Variants in AJAP1 observed in about 807,000 individuals in gnomAD.
The protein encoded by AJAP1 is adherens junctions associated protein 1.
AJAP1 carries 5 observed loss-of-function variants against 35.0 expected under a neutral mutation model. That is an observed-to-expected ratio of 0.14 (90% CI 0.07 to 0.30). The LOEUF (loss-of-function observed/expected upper bound fraction) is 0.30. Among genes scored for constraint, AJAP1 ranks in the 10% least tolerant of loss-of-function variants. The pLI is 1.00. For missense variants in AJAP1, 586 were observed against 571.0 expected, an observed-to-expected ratio of 1.03 and a Z score of -0.27; for synonymous variants, 284 against 249.3, an observed-to-expected ratio of 1.14 and a Z score of -1.31.
At chr1:4,744,056 C>T (rs1446772178) in intron 2 of AJAP1, among the ~76,000 whole-genome samples, 4 of 152,060 alleles carry the variant, frequency 2.6e-5, no homozygotes, top group Admixed American at 2.6e-4. Flanking sequence ...GGTCATGGGA[C>T]GAGAGTGGGA....
intron 1 of AJAP1, among the ~76,000 whole-genome samples, chr1:4,678,878 C>T (rs971455866): frequency 4.6e-5 from 7 of 152,356 alleles, no homozygotes; most frequent in Middle Eastern, 6.8e-3. Flanking sequence ...AGATGCATCT[C>T]ATTTAAAACA....
At chr1:4,713,162 G>T (rs1002978738) in intron 2 of AJAP1, among the ~76,000 whole-genome samples, 1 of 152,186 alleles carries the variant, frequency 6.6e-6, no homozygotes. Flanking sequence ...ACCCATGGAC[G>T]GGGGCATGGA....
chr1:4,772,083 ATT>A (rs111647192), intron 3 of AJAP1, among the ~76,000 whole-genome samples, 195 bp from the exon 4 acceptor site: 20 of 149,264 alleles, frequency 1.3e-4, no homozygotes, highest in Non-Finnish European at 1.8e-4. Flanking sequence ...TTCAAATTTC[ATT>A]TTTTTTTTTT....
rs1638855308 is a variant in AJAP1 at position 4,655,404 on chromosome 1, C to T, written c.-22C>T. ...TGGCCTGGGCGAGCCAGGTCTGAGG[C>T]CCCGCTCCCCGAAACGTGACCATGT... On this transcript the variant is annotated 5_prime_UTR_variant, in exon 1 of 6. Coordinates refer to ENST00000378191, the MANE Select transcript of AJAP1 (RefSeq NM_018836.4). The surrounding 1 kb of genome is among the most constrained non-coding windows in gnomAD (Gnocchi z 6.9). 5.1e-6 allele frequency: 8 copies of T among 1,556,936 alleles called. No homozygotes were observed. The highest frequency in any genetic ancestry group is 4.3e-5 in the African/African-American group (3 of 70,500).
At chr1:4,745,040 A>C (rs1428411306) in intron 2 of AJAP1, among the ~76,000 whole-genome samples, 1 of 152,178 alleles carries the variant, frequency 6.6e-6, no homozygotes, top group Admixed American at 6.5e-5. Context: ...GGAAGCCCTC[A>C]GACAGAGCGT....
rs575324875 is a variant in AJAP1, at chr1:4,707,195, A to G, written c.30-4705A>G. 3.3e-5 allele frequency among the ~76,000 whole-genome samples: 5 copies of G among 152,248 alleles called. No homozygotes were observed. The East Asian group carries it at 9.7e-4, about 30-fold the overall frequency. Reference sequence around the variant, plus strand: ...CTTCCACCCATCCGCCAGGGCCAGGATTAGGGTGCCACGCCATGCACTCCA... The same window carrying G: ...CTTCCACCCATCCGCCAGGGCCAGGGTTAGGGTGCCACGCCATGCACTCCA... On this transcript the variant is annotated intron_variant, in intron 1 of 5. Coordinates refer to ENST00000378191, the MANE Select transcript of AJAP1 (RefSeq NM_018836.4).
In AJAP1 at chr1:4,774,190, C is replaced by A. The variant is rs1641897206; in HGVS notation, c.1164-237C>A. Among the ~76,000 whole-genome samples, 3 of 152,218 alleles carry A rather than the reference C, an allele frequency of 2.0e-5. No individual in the cohort carries two copies. The South Asian group carries it at 6.2e-4, about 32-fold the overall frequency. ...CCTGTGCAGCAAAGTGCTCGTGTGC[C>A]CAGATCCCTCAGTCTGTGTCTTCCA... On this transcript the variant is annotated intron_variant, in intron 4 of 5. Transcript: ENST00000378191.
rs1232241697 is a variant in AJAP1, at chr1:4,692,032, G to C, written c.30-19868G>C. ...AAGAACAGCCTTTGCCCCAGGCCGG[G>C]TGTCCCTGAGACTGGCCGAGGCCCT... is the stretch of plus-strand genomic sequence containing the variant. On this transcript the variant is annotated intron_variant, in intron 1 of 5. Coordinates refer to ENST00000378191, the MANE Select transcript of AJAP1 (RefSeq NM_018836.4). This position sits in a 1 kb window ranked among gnomAD's most constrained non-coding sequence, Gnocchi z 4.4. 1.3e-5 allele frequency among the ~76,000 whole-genome samples: 2 copies of C among 152,192 alleles called. No individual in the cohort carries two copies. Among genetic ancestry groups the C allele is most frequent in the Admixed American group, 6.5e-5 (1 of 15,292 alleles).
At chr1:4,715,693 A>T (rs554948073) in intron 2 of AJAP1, among the ~76,000 whole-genome samples, 5 of 152,394 alleles carry the variant, frequency 3.3e-5, no homozygotes, top group African/African-American at 1.2e-4. Flanking sequence ...TCAAAAAAAA[A>T]AAGAAATATT....
chr1:4,711,443 T>C (rs1311773545), intron 1 of AJAP1, among the ~76,000 whole-genome samples: 1 of 152,190 alleles, frequency 6.6e-6, no homozygotes, highest in Non-Finnish European at 1.5e-5. Context: ...CGCCTGGCCC[T>C]GGGGTCCCAG....
chr1:4,688,050 G>C (rs1356412231), intron 1 of AJAP1, among the ~76,000 whole-genome samples: 1 of 152,230 alleles, frequency 6.6e-6, no homozygotes, highest in African/African-American at 2.4e-5. Context: ...AGGGGAGGAG[G>C]TGTTTCTGCC....
rs1282494623 is a variant in AJAP1, at chr1:4,673,795, T to C, written c.29+18341T>C. Among the ~76,000 whole-genome samples the C allele has an allele frequency of 7.2e-5, 11 of 152,210 alleles. No individual in the cohort carries two copies. In the East Asian group the frequency reaches 1.9e-3, roughly 27 times the overall value. Reference sequence around the variant, plus strand: ...ATGAATTCATTCTCAGCGTTTTAGATGTGACTCTTCTTGTCCTCTGATCAA... The same window carrying C: ...ATGAATTCATTCTCAGCGTTTTAGACGTGACTCTTCTTGTCCTCTGATCAA... On this transcript the variant is annotated intron_variant, in intron 1 of 5. Coordinates refer to ENST00000378191, the MANE Select transcript of AJAP1 (RefSeq NM_018836.4).
intron 2 of AJAP1, among the ~76,000 whole-genome samples, chr1:4,735,801 G>T (rs1416076785): frequency 1.3e-5 from 2 of 152,212 alleles, no homozygotes; most frequent in African/African-American, 2.4e-5. Context: ...TGAAAATGGG[G>T]CACAGCCCCT....
chr1:4,730,892 T>C (rs1190850580), intron 2 of AJAP1, among the ~76,000 whole-genome samples: 6 of 152,188 alleles, frequency 3.9e-5, no homozygotes, highest in African/African-American at 1.4e-4. Context: ...AAACTCTGCC[T>C]GCAGCCCTTC....
chr1:4,761,570 TAGTC>T (rs1317744369), intron 2 of AJAP1, among the ~76,000 whole-genome samples: 3 of 152,184 alleles, frequency 2.0e-5, no homozygotes, highest in East Asian at 1.9e-4. Context: ...GAATCTGTAT[TAGTC>T]AGGGTTCTCT....
intron 2 of AJAP1, among the ~76,000 whole-genome samples, chr1:4,717,413 A>C (rs1640418796): frequency 6.6e-6 from 1 of 152,208 alleles, no homozygotes; most frequent in Admixed American, 6.5e-5. Flanking sequence ...CTCGCCACCC[A>C]GGAGGGGCCC....
chr1:4,700,810 G>A (rs1639971160), intron 1 of AJAP1, among the ~76,000 whole-genome samples: 1 of 152,188 alleles, frequency 6.6e-6, no homozygotes, highest in South Asian at 2.1e-4. Flanking sequence ...CAGATGTGAT[G>A]GAGGAGCAGG....
chr1:4,744,458 G>A (rs1641142027), intron 2 of AJAP1, among the ~76,000 whole-genome samples: 1 of 152,170 alleles, frequency 6.6e-6, no homozygotes, highest in African/African-American at 2.4e-5. Context: ...CTCGGGGGAG[G>A]ATGTGGGCCT....
At chr1:4,686,054 TCTC>T (rs547916075) in intron 1 of AJAP1, among the ~76,000 whole-genome samples, 62 of 152,336 alleles carry the variant, frequency 4.1e-4, no homozygotes, top group African/African-American at 1.4e-3. Flanking sequence ...AGCTGTTTCT[TCTC>T]CTCGGAGGTT....
Sources: allele counts gnomAD v4.1 joint callset (sites outside exome capture counted in the v4.1 genomes callset), GRCh38; gene constraint gnomAD v4.1.1; non-coding constraint Gnocchi (gnomAD v3.1); transcripts MANE v1.5; gene names NCBI Gene and HGNC (gene_info 2026-07-23, HGNC 2026-07-21).